TPST1: variants seen among roughly 807,000 people sequenced by gnomAD.
TPST1 encodes the protein tyrosylprotein sulfotransferase 1.
Under a neutral mutation model 34.8 loss-of-function variants are expected in TPST1, and 20 were observed. The ratio of observed to expected loss-of-function variants is 0.57; its 90% CI spans 0.40 to 0.84. The LOEUF (loss-of-function observed/expected upper bound fraction) is 0.84, where lower values mean the gene tolerates loss of function less well. TPST1 is among the 40% of genes least tolerant of loss of function. The probability of loss-of-function intolerance (pLI) is 0.00; values close to 1 mark genes in which losing one functional copy is unlikely to be tolerated. For missense variants in TPST1, 353 were observed against 455.5 expected (o/e 0.78, Z 2.05); for synonymous variants, 152 against 159.4 (o/e 0.95, Z 0.35).
chr7:66,295,406 G>A (rs1369566384), intron 3 of TPST1, among the ~76,000 whole-genome samples: 1 of 152,112 alleles, frequency 6.6e-6, no homozygotes, highest in African/African-American at 2.4e-5. Flanking sequence ...GAGGTGAGAG[G>A]ATTGCTTGAG....
At chr7:66,258,595 C>T (rs1298244730) in intron 2 of TPST1, among the ~76,000 whole-genome samples, 1 of 152,178 alleles carries the variant, frequency 6.6e-6, no homozygotes, top group Non-Finnish European at 1.5e-5. Context: ...CTGGATTCCC[C>T]ACATCTCTCT....
intron 3 of TPST1, among the ~76,000 whole-genome samples, chr7:66,347,957 CCTTT>C (rs994047891): frequency 1.3e-4 from 20 of 152,094 alleles, no homozygotes; most frequent in Middle Eastern, 3.4e-3. Flanking sequence ...GTTTGGATGC[CCTTT>C]CTTTCTATTT....
chr7:66,248,083 C>G (rs1790187973), intron 2 of TPST1, among the ~76,000 whole-genome samples: 1 of 152,140 alleles, frequency 6.6e-6, no homozygotes, highest in South Asian at 2.1e-4. Context: ...AACACCTTAA[C>G]AAAGATGAGT....
At chr7:66,299,881 G>A (rs766988961) in intron 3 of TPST1, among the ~76,000 whole-genome samples, 2 of 152,042 alleles carry the variant, frequency 1.3e-5, no homozygotes, top group African/African-American at 2.4e-5. Flanking sequence ...GCACACCTTG[G>A]AGAGACTGTG....
At chr7:66,265,482 C>T (rs1790571937) in intron 2 of TPST1, among the ~76,000 whole-genome samples, 1 of 151,340 alleles carries the variant, frequency 6.6e-6, no homozygotes, top group African/African-American at 2.4e-5. Flanking sequence ...CCCAGGAGGC[C>T]ATGGCTGCAG....
chr7:66,270,944 G>A (rs1472231741), intron 2 of TPST1, among the ~76,000 whole-genome samples: 1 of 152,000 alleles, frequency 6.6e-6, no homozygotes, highest in East Asian at 1.9e-4. Context: ...CATCTTACTT[G>A]GAACAATTTT....
At chr7:66,252,881 T>C (rs893081696) in intron 2 of TPST1, among the ~76,000 whole-genome samples, 11 of 152,196 alleles carry the variant, frequency 7.2e-5, no homozygotes, top group African/African-American at 1.7e-4. Flanking sequence ...TATTAATCAA[T>C]ATGGAATTTA....
intron 1 of TPST1, among the ~76,000 whole-genome samples, chr7:66,210,422 G>A (rs555854195): frequency 6.6e-6 from 1 of 152,354 alleles, no homozygotes; most frequent in Non-Finnish European, 1.5e-5. Flanking sequence ...AGGTGAGATT[G>A]CCTGGTTCAG....
At chr7:66,261,049 T>C (rs540510836) in intron 2 of TPST1, among the ~76,000 whole-genome samples, 24 of 152,294 alleles carry the variant, frequency 1.6e-4, no homozygotes, top group African/African-American at 5.8e-4. Flanking sequence ...GCTCCATTTC[T>C]CAACTTAGAG....
At chr7:66,279,317 C>T (rs1337829148) in intron 2 of TPST1, among the ~76,000 whole-genome samples, 1 of 152,174 alleles carries the variant, frequency 6.6e-6, no homozygotes, top group East Asian at 1.9e-4. Context: ...ACATTTTCAT[C>T]ATCCAGTCCA....
chr7:66,226,535 G>T (rs989502065), intron 1 of TPST1, among the ~76,000 whole-genome samples: 2 of 152,064 alleles, frequency 1.3e-5, no homozygotes, highest in African/African-American at 4.8e-5. Context: ...TAATGAGAAT[G>T]TTTTTGGAGA....
In TPST1 at chr7:66,205,912, C is replaced by T. The variant is rs551281164; in HGVS notation, c.-102+390C>T. On this transcript the variant is annotated intron_variant, in intron 1 of 5. Transcript: ENST00000304842. The surrounding 1 kb of genome is among the most constrained non-coding windows in gnomAD (Gnocchi z 5.0). ...CTTCTTGAGCTCATCGCCCCATCAT[C>T]CTACCCGTTGTACGTAGTCCTGTCT... 6.5e-6 allele frequency: 1 copy of T among 152,692 alleles called. No individual in the cohort carries two copies. The highest frequency in any genetic ancestry group is 2.4e-5 in the African/African-American group (1 of 41,588). 9.5% of individuals were successfully genotyped at this position (152,692 alleles called of 1,614,324 possible).
intron 2 of TPST1, among the ~76,000 whole-genome samples, chr7:66,244,245 G>A (rs1432566191): frequency 1.3e-5 from 2 of 152,068 alleles, no homozygotes; most frequent in African/African-American, 2.4e-5. Flanking sequence ...GAGCCACCGC[G>A]CCTGGCCGAA....
At chr7:66,242,327 C>A (rs1407370224) in intron 2 of TPST1, among the ~76,000 whole-genome samples, 1 of 151,596 alleles carries the variant, frequency 6.6e-6, no homozygotes, top group Non-Finnish European at 1.5e-5. Context: ...TACTTTTTAT[C>A]AAAGTAATAT....
intron 3 of TPST1, among the ~76,000 whole-genome samples, chr7:66,335,432 G>T (rs1201904973): frequency 6.6e-6 from 1 of 151,678 alleles, no homozygotes; most frequent in Non-Finnish European, 1.5e-5. Flanking sequence ...GCCAGCCTGG[G>T]CAACAGAGCA....
intron 3 of TPST1, among the ~76,000 whole-genome samples, chr7:66,300,097 C>T (rs1483884000): frequency 6.6e-6 from 1 of 152,168 alleles, no homozygotes; most frequent in Non-Finnish European, 1.5e-5. Flanking sequence ...ATCATCCAAG[C>T]CTTCAGCAAG....
At chr7:66,277,873 G>A (rs894885633) in intron 2 of TPST1, among the ~76,000 whole-genome samples, 8 of 152,024 alleles carry the variant, frequency 5.3e-5, no homozygotes, top group African/African-American at 1.9e-4. Context: ...AATAGGCTGG[G>A]TGGATCACTT....
intron 3 of TPST1, among the ~76,000 whole-genome samples, chr7:66,319,005 GTCT>G (rs1490444024): frequency 6.6e-6 from 1 of 152,002 alleles, no homozygotes; most frequent in Non-Finnish European, 1.5e-5. Flanking sequence ...GATTTTTAAG[GTCT>G]TCTTTATATA....
chr7:66,317,091 T>C (rs1219866803), intron 3 of TPST1, among the ~76,000 whole-genome samples: 1 of 152,200 alleles, frequency 6.6e-6, no homozygotes, highest in Non-Finnish European at 1.5e-5. Context: ...ACAAAAAAAG[T>C]CTGGCATGGA....
Sources: allele counts gnomAD v4.1 joint callset (sites outside exome capture counted in the v4.1 genomes callset), GRCh38; gene constraint gnomAD v4.1.1; non-coding constraint Gnocchi (gnomAD v3.1); transcripts MANE v1.5; gene names NCBI Gene and HGNC (gene_info 2026-07-23, HGNC 2026-07-21).